Variants in ATF6 observed in about 807,000 individuals in gnomAD.
ATF6 encodes cyclic AMP-dependent transcription factor ATF-6 alpha.
Under a neutral mutation model 83.6 loss-of-function variants are expected in ATF6, and 53 were observed. That is an observed-to-expected ratio of 0.63 (90% CI 0.51 to 0.80). The LOEUF is 0.80. Ranked by LOEUF, ATF6 falls within the 30% of genes least tolerant of loss-of-function variation. ATF6 has a pLI of 0.00. For synonymous variants in ATF6, 288 were observed against 285.8 expected (o/e 1.01, Z -0.08); for missense variants, 744 against 797.9 (o/e 0.93, Z 0.81).
chr1:161,772,206 C>A (rs2101714892), intron 1 of ATF6, among the ~76,000 whole-genome samples: 1 of 152,276 alleles, frequency 6.6e-6, no homozygotes, highest in Non-Finnish European at 1.5e-5. Flanking sequence ...CTTCCTTTCA[C>A]CTTTCATATT....
At chr1:161,819,062 A>G (rs1685685618) in intron 7 of ATF6, among the ~76,000 whole-genome samples, 1 of 152,206 alleles carries the variant, frequency 6.6e-6, no homozygotes, top group South Asian at 2.1e-4. Flanking sequence ...AAATTTGGTC[A>G]TTAGTATATA....
At chr1:161,776,468 A>G (rs1684517105) in intron 1 of ATF6, among the ~76,000 whole-genome samples, 1 of 152,146 alleles carries the variant, frequency 6.6e-6, no homozygotes, top group Non-Finnish European at 1.5e-5. Context: ...GGTAGGGAAG[A>G]AAAGGAAGGT....
intron 4 of ATF6, among the ~76,000 whole-genome samples, chr1:161,791,158 C>T (rs1277793830): frequency 6.6e-6 from 1 of 150,396 alleles, no homozygotes; most frequent in African/African-American, 2.4e-5. Context: ...AATGTAGCAA[C>T]AGATCAATGA....
intron 14 of ATF6, among the ~76,000 whole-genome samples, chr1:161,905,664 C>T (rs1687864750): frequency 6.6e-6 from 1 of 152,130 alleles, no homozygotes; most frequent in Admixed American, 6.5e-5. Flanking sequence ...TTTTGGATTG[C>T]TGTCCTGTTG....
At chr1:161,834,062 C>A (rs1386267169) in intron 9 of ATF6, among the ~76,000 whole-genome samples, 1 of 152,190 alleles carries the variant, frequency 6.6e-6, no homozygotes, top group East Asian at 1.9e-4. Flanking sequence ...GATCTCTAGG[C>A]AGAAACTCTG....
intron 13 of ATF6, 129 bp from the exon 14 acceptor site, chr1:161,863,069 G>T: frequency 1.9e-6 from 1 of 531,592 alleles, no homozygotes; most frequent in Non-Finnish European, 3.4e-6. Context: ...AAAAATTACT[G>T]CCAAAGTGCA....
At chr1:161,797,125 A>T (rs1685040117) in intron 6 of ATF6, among the ~76,000 whole-genome samples, 1 of 152,148 alleles carries the variant, frequency 6.6e-6, no homozygotes, top group Admixed American at 6.5e-5. Context: ...TTCATAAAAG[A>T]TGGAGGCCAC....
intron 7 of ATF6, among the ~76,000 whole-genome samples, chr1:161,814,452 A>T (rs542298998): frequency 2.4e-4 from 36 of 152,306 alleles, no homozygotes; most frequent in Non-Finnish European, 2.9e-4. Flanking sequence ...TTTGTCTATT[A>T]TCTGTTCTCA....
At chr1:161,803,630 A>C (rs1685209830) in intron 7 of ATF6, among the ~76,000 whole-genome samples, 1 of 152,190 alleles carries the variant, frequency 6.6e-6, no homozygotes, top group Admixed American at 6.5e-5. Flanking sequence ...TAATGATGGA[A>C]GCTGGGTGTT....
At chr1:161,875,658 A>G (rs1687202437) in intron 14 of ATF6, among the ~76,000 whole-genome samples, 1 of 151,878 alleles carries the variant, frequency 6.6e-6, no homozygotes, top group South Asian at 2.1e-4. Flanking sequence ...ATTTTCAAGA[A>G]CATATCTGTC....
chr1:161,770,591 G>T (rs1170300704), intron 1 of ATF6, among the ~76,000 whole-genome samples: 1 of 152,090 alleles, frequency 6.6e-6, no homozygotes. Flanking sequence ...CCACTTTAAT[G>T]ACCTCATTTA....
At chr1:161,836,471 A>G (rs539955015) in intron 9 of ATF6, among the ~76,000 whole-genome samples, 4 of 152,248 alleles carry the variant, frequency 2.6e-5, no homozygotes, top group South Asian at 2.1e-4. Flanking sequence ...AAGAAATACA[A>G]TGTATCTGAG....
At chr1:161,947,805 C>CA (rs1688778631) in intron 15 of ATF6, among the ~76,000 whole-genome samples, 1 of 132,986 alleles carries the variant, frequency 7.5e-6, no homozygotes, top group African/African-American at 3.0e-5. Flanking sequence ...GTCCTTAAGC[C>CA]ACGCCTTTTT....
At chr1:161,921,118 A>G (rs574374691) in intron 15 of ATF6, among the ~76,000 whole-genome samples, 1 of 152,298 alleles carries the variant, frequency 6.6e-6, no homozygotes, top group African/African-American at 2.4e-5. Context: ...GTGTTGAGTC[A>G]ACAACTTAAG....
At chr1:161,782,247 G>A (rs1460950620) in intron 3 of ATF6, among the ~76,000 whole-genome samples, 2 of 152,214 alleles carry the variant, frequency 1.3e-5, no homozygotes, top group African/African-American at 4.8e-5. Context: ...TAGAAATAGT[G>A]ATTTTGAATT....
At chr1:161,767,119 G>A (rs1247867362) in intron 1 of ATF6, among the ~76,000 whole-genome samples, 1 of 152,154 alleles carries the variant, frequency 6.6e-6, no homozygotes, top group African/African-American at 2.4e-5. Context: ...TGTTATCTAA[G>A]TATTTAGAGG....
chr1:161,860,361 C>G, intron 13 of ATF6, 84 bp downstream of exon 13: 2 of 941,640 alleles, frequency 2.1e-6, no homozygotes, highest in Non-Finnish European at 3.0e-6. Context: ...TCCCTTTCAC[C>G]TTAAATTTGT....
chr1:161,776,899 A>G (rs535591411), intron 1 of ATF6, among the ~76,000 whole-genome samples: 1 of 152,350 alleles, frequency 6.6e-6, no homozygotes, highest in South Asian at 2.1e-4. Context: ...AGAAACGTTT[A>G]TGCTGAGCCC....
chr1:161,807,865 CTTTTTTTTTTTTT>C (rs761462420), intron 7 of ATF6, among the ~76,000 whole-genome samples: 163 of 32,352 alleles, frequency 5.0e-3, no homozygotes, highest in Non-Finnish European at 7.9e-3. Flanking sequence ...AGTTTGTCAT[CTTTTTTTTTTTTT>C]TTTTTTTTTT....
Sources: allele counts gnomAD v4.1 joint callset (sites outside exome capture counted in the v4.1 genomes callset), GRCh38; gene constraint gnomAD v4.1.1; transcripts MANE v1.5; gene names NCBI Gene and HGNC (gene_info 2026-07-23, HGNC 2026-07-21).